The following BRD9 variants were observed in gnomAD, a reference collection of about 807,000 sequenced individuals.
BRD9 encodes the protein bromodomain-containing protein 9.
A neutral mutation model predicts 68.7 loss-of-function variants in BRD9; 47 were observed. The observed-to-expected ratio is 0.68, with a 90% CI of 0.54 to 0.87. The LOEUF is 0.87. Among genes scored for constraint, BRD9 ranks in the 40% least tolerant of loss-of-function variants. BRD9 has a pLI of 0.00. For synonymous variants in BRD9, 313 were observed against 293.9 expected (o/e 1.06, Z -0.67); for missense variants, 670 against 748.4 (o/e 0.90, Z 1.22).
intron 14 of BRD9, among the ~76,000 whole-genome samples, chr5:867,742 T>C (rs1449224322): frequency 6.6e-6 from 1 of 152,254 alleles, no homozygotes; most frequent in Non-Finnish European, 1.5e-5. Flanking sequence ...CCAATGTCTG[T>C]ACCCGATTTG....
At chr5:887,319 C>A in intron 6 of BRD9, 42 bp downstream of exon 6, 1 of 1,517,632 alleles carries the variant, frequency 6.6e-7, no homozygotes, top group Non-Finnish European at 9.1e-7. Flanking sequence ...GGGGGCAGAG[C>A]CCCTGCTTTC....
chr5:892,510 T>C (rs1753610684), intron 1 of BRD9, 96 bp downstream of exon 1: 5 of 1,486,320 alleles, frequency 3.4e-6, no homozygotes, highest in Non-Finnish European at 4.5e-6. Context: ...GGCCAGGACC[T>C]CGCCCGGTGC....
At chr5:864,870 G>A (rs1579883902) in intron 15 of BRD9, among the ~76,000 whole-genome samples, 1 of 152,212 alleles carries the variant, frequency 6.6e-6, no homozygotes, top group Non-Finnish European at 1.5e-5. Flanking sequence ...GGGATATCGG[G>A]GGCCTCAGAC....
rs1749031439 is a variant in BRD9 at position 864,367 on chromosome 5, C to T, written c.*101G>A. The T allele has an allele frequency of 2.9e-6, 3 of 1,019,318 alleles. No individual in the cohort carries two copies. Among genetic ancestry groups the T allele is most frequent in the African/African-American group, 3.3e-5 (2 of 61,156 alleles). The allele number at this position is 1,019,318 out of a possible 1,614,324, so 63.1% of individuals were successfully genotyped here. On this transcript the variant is annotated 3_prime_UTR_variant, in exon 16 of 16. Transcript: ENST00000467963. ...CCTCCCCGCGGCTGCTTCCCGCATG[C>T]CAAAGGGGACAGGATCAAAGTCCTT...
At chr5:871,618 C>T (rs372480384) in intron 12 of BRD9, 54 bp from the exon 13 acceptor site, 57 of 1,534,716 alleles carry the variant, frequency 3.7e-5, no homozygotes, top group African/African-American at 3.0e-4. Flanking sequence ...TTCATAGAAA[C>T]GGACAATTCG....
At chr5:888,322 G>C (rs1752865009) in intron 5 of BRD9, 1 of 152,334 alleles carries the variant, frequency 6.6e-6, no homozygotes, top group Non-Finnish European at 1.5e-5. Context: ...TCTACCCTCA[G>C]GCGCTGCCTG....
intron 11 of BRD9, among the ~76,000 whole-genome samples, chr5:877,655 T>C (rs1238798748): frequency 1.3e-5 from 2 of 152,108 alleles, no homozygotes; most frequent in African/African-American, 2.4e-5. Context: ...GGCTGCTACA[T>C]TTGTGATTTT....
chr5:867,609 A>G (rs994515977), intron 14 of BRD9, among the ~76,000 whole-genome samples: 10 of 152,278 alleles, frequency 6.6e-5, no homozygotes, highest in African/African-American at 2.4e-4. Context: ...ATGTGAGACA[A>G]GGAATCAAAG....
intron 8 of BRD9, 137 bp from the exon 9 acceptor site, chr5:881,319 G>T (rs1202461860): frequency 1.6e-5 from 13 of 796,986 alleles, no homozygotes; most frequent in Admixed American, 2.3e-5. Flanking sequence ...GCCCCTCACG[G>T]CATTCCCTGG....
intron 9 of BRD9, among the ~76,000 whole-genome samples, chr5:880,895 C>T (rs902241375): frequency 2.6e-5 from 4 of 152,234 alleles, no homozygotes; most frequent in Non-Finnish European, 4.4e-5. Context: ...GGAGCCCTGA[C>T]CGAGGTCTGA....
chr5:869,986 G>C (rs1231040111), intron 14 of BRD9, among the ~76,000 whole-genome samples: 1 of 152,226 alleles, frequency 6.6e-6, no homozygotes, highest in Non-Finnish European at 1.5e-5. Context: ...TGCAGAGTTT[G>C]ACTCTTCTGT....
At chr5:873,757 T>C (rs964830573) in intron 12 of BRD9, among the ~76,000 whole-genome samples, 1 of 152,196 alleles carries the variant, frequency 6.6e-6, no homozygotes, top group Non-Finnish European at 1.5e-5. Flanking sequence ...CCAGTTCATC[T>C]GTAACAAGCA....
At chr5:875,394 C>T (rs1269361796) in intron 12 of BRD9, among the ~76,000 whole-genome samples, 2 of 151,306 alleles carry the variant, frequency 1.3e-5, no homozygotes, top group Non-Finnish European at 2.9e-5. Flanking sequence ...GTGGCCCAAG[C>T]TGGAGTGCAG....
Position 864,415 on chromosome 5 carries a change from C to T in BRD9, c.*53G>A, listed in dbSNP as rs970584202. ...CTTGTCTGATGACAAAAACTCTACA[C>T]GTGCAAAATAAAACTAAAAAAATAA... On this transcript the variant is annotated 3_prime_UTR_variant, in exon 16 of 16. Coordinates refer to ENST00000467963, the MANE Select transcript of BRD9 (RefSeq NM_023924.5). 34 of 1,443,034 alleles carry T rather than the reference C, an allele frequency of 2.4e-5. No individual in the cohort carries two copies. In the South Asian group the frequency reaches 3.2e-4, roughly 14 times the overall value. 89.4% of individuals were successfully genotyped at this position (1,443,034 alleles called of 1,614,324 possible).
chr5:875,942 C>G (rs1009444850), intron 12 of BRD9, among the ~76,000 whole-genome samples, 159 bp downstream of exon 12: 2 of 152,194 alleles, frequency 1.3e-5, no homozygotes, highest in Non-Finnish European at 2.9e-5. Context: ...CGGGGGACAC[C>G]TGCCCGTGCA....
chr5:881,059 A>G (rs529056094), intron 9 of BRD9, 48 bp downstream of exon 9: 3 of 1,583,410 alleles, frequency 1.9e-6, no homozygotes, highest in East Asian at 2.2e-5. Context: ...CGGAGGCCCA[A>G]AAAGCAGTGT....
rs761161687 is a variant in BRD9 at position 864,516 on chromosome 5, G to A, written c.1746C>T (p.Pro582=). The A allele has an allele frequency of 1.2e-6, 2 of 1,613,928 alleles. No individual in the cohort carries two copies. The highest frequency in any genetic ancestry group is 2.7e-5 in the African/African-American group (2 of 74,946). Reference sequence around the variant, plus strand: ...GCTCTGGAGACTGAAGAAACTCATAGGGGTCGTGGGTGACGTCTGGCTGCT... The same window carrying A: ...GCTCTGGAGACTGAAGAAACTCATAAGGGTCGTGGGTGACGTCTGGCTGCT... ...VGEQPDVTHD[P]YEFLQSPEPA... The change falls in exon 16 of 16, where the codon CCC becomes CCT. Residue 582 remains proline, a synonymous_variant. Transcript: ENST00000467963.
chr5:869,277 G>A (rs1749795902), intron 14 of BRD9: 1 of 455,934 alleles, frequency 2.2e-6, no homozygotes, highest in Non-Finnish European at 4.4e-6. Context: ...TTCAGGCACA[G>A]CTGACCAGCA....
rs1560904754 is a variant in BRD9 at position 876,172 on chromosome 5, T to C, written c.1312A>G (p.Lys438Glu). 1 of 1,613,950 alleles carries C rather than the reference T, an allele frequency of 6.2e-7. No homozygotes were observed. Among genetic ancestry groups the C allele is most frequent in the East Asian group, 2.2e-5 (1 of 44,856 alleles). The change falls in exon 12 of 16, where the codon AAA becomes GAA. Residue 438 changes from lysine to glutamate, a missense_variant. Transcript: ENST00000467963. ...FVKDAGSYSK[K>E]VVDDLLDQIT... The stretch of plus-strand genomic sequence containing the variant: ...TGGTCCAGGAGGTCGTCCACCACTT[T>C]CTTGCTGTAGCTCCCAGCATCCTTC...
Sources: gnomAD v4.1 joint callset for allele counts (sites outside exome capture counted in the v4.1 genomes callset) on GRCh38, gnomAD v4.1.1 for gene constraint, MANE v1.5 for transcripts, NCBI Gene and HGNC (gene_info 2026-07-23, HGNC 2026-07-21) for gene names.